Variants in DLGAP1 observed in about 807,000 individuals in gnomAD.
DLGAP1 encodes disks large-associated protein 1.
In DLGAP1, 11 loss-of-function variants were observed where a neutral mutation model predicts 90.8. That is an observed-to-expected ratio of 0.12 (90% CI 0.08 to 0.20). The LOEUF is 0.20. Among genes scored for constraint, DLGAP1 ranks in the 10% least tolerant of loss-of-function variants. The pLI is 1.00. For missense variants in DLGAP1, 1,050 were observed against 1,333.8 expected (o/e 0.79, Z 3.31); for synonymous variants, 558 against 540.7 (o/e 1.03, Z -0.44).
intron 1 of DLGAP1, among the ~76,000 whole-genome samples, chr18:4,320,960 T>C (rs764922803): frequency 6.6e-6 from 1 of 152,214 alleles, no homozygotes; most frequent in Non-Finnish European, 1.5e-5. Context: ...AATTTCAGGA[T>C]GGAAAAATAG....
chr18:4,312,277 C>A (rs2080420112), intron 1 of DLGAP1, among the ~76,000 whole-genome samples: 1 of 152,178 alleles, frequency 6.6e-6, no homozygotes, highest in Admixed American at 6.5e-5. Context: ...TTCAGTGTCT[C>A]ACAACCAAGA....
At chr18:4,379,711 T>C (rs924004028) in intron 1 of DLGAP1, among the ~76,000 whole-genome samples, 1 of 152,192 alleles carries the variant, frequency 6.6e-6, no homozygotes, top group African/African-American at 2.4e-5. Context: ...CAATAGTTTC[T>C]ATAATTGGAG....
chr18:3,907,656 G>A (rs1023799823), intron 3 of DLGAP1, among the ~76,000 whole-genome samples: 1 of 152,188 alleles, frequency 6.6e-6, no homozygotes, highest in Non-Finnish European at 1.5e-5. Flanking sequence ...GAAGAGGCAT[G>A]TGGGTGGGCA....
At chr18:3,951,658 A>G (rs1467614531) in intron 3 of DLGAP1, among the ~76,000 whole-genome samples, 1 of 152,168 alleles carries the variant, frequency 6.6e-6, no homozygotes, top group Admixed American at 6.5e-5. Context: ...TGTAATTCCT[A>G]CGTGTTGGGA....
intron 1 of DLGAP1, among the ~76,000 whole-genome samples, chr18:4,236,382 T>G (rs974250396): frequency 6.6e-6 from 1 of 152,190 alleles, no homozygotes; most frequent in Admixed American, 6.5e-5. Flanking sequence ...CTTGGAAGGA[T>G]AGTGTGCAAA....
intron 1 of DLGAP1, among the ~76,000 whole-genome samples, chr18:4,155,038 A>G (rs2076733347): frequency 6.6e-6 from 1 of 152,154 alleles, no homozygotes; most frequent in African/African-American, 2.4e-5. Flanking sequence ...TCAGAAGTGC[A>G]TAGGTAGGGA....
chr18:3,659,236 T>C lies in DLGAP1; in HGVS notation c.1591+69899A>G, dbSNP rs538747505. On this transcript the variant is annotated intron_variant, in intron 7 of 12. Transcript: ENST00000315677. ...GATCATTTATCTTAAAATGTAAATG[T>C]TTTTAAAAATTTTGAATATTTAAGA... is the stretch of plus-strand genomic sequence containing the variant. Among the ~76,000 whole-genome samples, 5 of 152,268 alleles carry C rather than the reference T, an allele frequency of 3.3e-5. No individual in the cohort carries two copies. In the East Asian group the frequency reaches 9.6e-4, roughly 29 times the overall value.
chr18:4,085,522 T>C (rs1190733942), intron 2 of DLGAP1, among the ~76,000 whole-genome samples: 1 of 152,222 alleles, frequency 6.6e-6, no homozygotes, highest in East Asian at 1.9e-4. Flanking sequence ...CATCCAGAGT[T>C]GTCACACAGT....
chr18:3,665,801 G>A (rs1406279367), intron 7 of DLGAP1, among the ~76,000 whole-genome samples: 1 of 152,162 alleles, frequency 6.6e-6, no homozygotes, highest in African/African-American at 2.4e-5. Context: ...CACATTCTGA[G>A]GCTCTGCCCA....
chr18:4,405,501 C>A lies in DLGAP1; in HGVS notation c.-267+49505G>T, dbSNP rs562275100. 2.0e-5 allele frequency among the ~76,000 whole-genome samples: 3 copies of A among 152,060 alleles called. No homozygotes were observed. In the East Asian group the frequency reaches 5.8e-4, roughly 29 times the overall value. ...AAGAACAACACAATGAGCATTTTTT[C>A]AAAGTGCCATTTTTTTTCTTTCTCA... is the stretch of plus-strand genomic sequence containing the variant. On this transcript the variant is annotated intron_variant, in intron 1 of 12. Transcript: ENST00000315677.
chr18:4,318,457 T>G (rs1478367692), intron 1 of DLGAP1, among the ~76,000 whole-genome samples: 1 of 152,174 alleles, frequency 6.6e-6, no homozygotes, highest in Non-Finnish European at 1.5e-5. Flanking sequence ...CCAATTCAAG[T>G]GCAGGCTGAA....
chr18:4,452,988 AATAG>A (rs2083871845), intron 1 of DLGAP1, among the ~76,000 whole-genome samples: 1 of 152,222 alleles, frequency 6.6e-6, no homozygotes, highest in Non-Finnish European at 1.5e-5. Context: ...AATATAGAGA[AATAG>A]ATAGCTATAA....
intron 3 of DLGAP1, among the ~76,000 whole-genome samples, chr18:3,942,511 C>T (rs908133564): frequency 1.3e-5 from 2 of 152,140 alleles, no homozygotes; most frequent in Admixed American, 6.5e-5. Flanking sequence ...TAAGTAAGTT[C>T]TAGGAAGGAT....
intron 9 of DLGAP1, among the ~76,000 whole-genome samples, chr18:3,564,976 C>T (rs570235382): frequency 6.6e-6 from 1 of 152,162 alleles, no homozygotes; most frequent in Admixed American, 6.5e-5. Context: ...CTTGTAACCC[C>T]CTTTTTACAT....
At chr18:4,365,637 TACC>T (rs949517865) in intron 1 of DLGAP1, among the ~76,000 whole-genome samples, 110 of 152,274 alleles carry the variant, frequency 7.2e-4, no homozygotes, top group African/African-American at 2.6e-3. Context: ...TATGTGTATG[TACC>T]ACAAATTAAA....
intron 1 of DLGAP1, among the ~76,000 whole-genome samples, chr18:4,298,634 G>GA (rs1380434241): frequency 6.6e-6 from 1 of 151,414 alleles, no homozygotes. Flanking sequence ...GGGGTGGGGG[G>GA]AAAGGGGAGG....
chr18:4,006,607 C>G (rs2074306059), intron 2 of DLGAP1, among the ~76,000 whole-genome samples: 1 of 151,496 alleles, frequency 6.6e-6, no homozygotes, highest in South Asian at 2.1e-4. Context: ...GTTATGTGTC[C>G]CTGGGAAAAT....
Position 3,967,379 on chromosome 18 carries a change from T to C in DLGAP1, c.-73+37737A>G, listed in dbSNP as rs183032654. On this transcript the variant is annotated intron_variant, in intron 3 of 12. Transcript: ENST00000315677. ...TTGTCCTGGCATTGCAGAGTTTTAT[T>C]TAGAACAGTGATTCTCAAGATGTGG... 3.9e-5 allele frequency among the ~76,000 whole-genome samples: 6 copies of C among 152,282 alleles called. No individual in the cohort carries two copies. The East Asian group carries it at 1.2e-3, about 29-fold the overall frequency.
intron 1 of DLGAP1, among the ~76,000 whole-genome samples, chr18:4,241,639 T>C (rs572770582): frequency 1.6e-4 from 25 of 152,256 alleles, no homozygotes; most frequent in Admixed American, 5.2e-4. Flanking sequence ...CTGAAACAAA[T>C]AGAAATGCAA....
Sources: allele counts gnomAD v4.1 joint callset (sites outside exome capture counted in the v4.1 genomes callset), GRCh38; gene constraint gnomAD v4.1.1; transcripts MANE v1.5; gene names NCBI Gene and HGNC (gene_info 2026-07-23, HGNC 2026-07-21).